Variants in GDPD5 observed in about 807,000 individuals in gnomAD.
The protein encoded by GDPD5 is glycerophosphodiester phosphodiesterase 2.
In GDPD5, 48 loss-of-function variants were observed where a neutral mutation model predicts 75.1. The observed-to-expected ratio is 0.64, with a 90% CI of 0.51 to 0.81. The LOEUF is 0.81. Ranked by LOEUF, GDPD5 falls within the 40% of genes least tolerant of loss-of-function variation. The pLI is 0.00. For missense variants in GDPD5, 706 were observed against 822.6 expected (o/e 0.86, Z 1.73); for synonymous variants, 336 against 339.0 (o/e 0.99, Z 0.10).
Position 75,449,551 on chromosome 11 carries a change from G to A in GDPD5, c.534C>T (p.Ile178=), listed in dbSNP as rs761322326. ...AVAAVTMLSW[I]VAGQFARAER... ...CTGCGCGGGCGAACTGTCCTGCCACGATCCAGGAGAGCATGGTGACTGCTG... is the reference window on the plus strand; with the variant it reads ...CTGCGCGGGCGAACTGTCCTGCCACAATCCAGGAGAGCATGGTGACTGCTG... Residue 178 remains isoleucine, a synonymous_variant, in exon 8 of 17, where the codon ATC becomes ATT. Coordinates refer to ENST00000336898, the MANE Select transcript of GDPD5 (RefSeq NM_030792.8). The A allele has an allele frequency of 2.5e-6, 4 of 1,587,996 alleles. No individual in the cohort carries two copies. The highest frequency in any genetic ancestry group is 2.3e-5 in the East Asian group (1 of 43,966).
chr11:75,506,917 C>G (rs758320818), intron 1 of GDPD5: 3 of 152,414 alleles, frequency 2.0e-5, no homozygotes, highest in Non-Finnish European at 2.9e-5. Flanking sequence ...GCCCCTGCCC[C>G]CCTCCCCTTC....
At chr11:75,504,903 G>A (rs1390386898) in intron 1 of GDPD5, among the ~76,000 whole-genome samples, 4 of 152,234 alleles carry the variant, frequency 2.6e-5, no homozygotes, top group Non-Finnish European at 5.9e-5. Context: ...CGAGGCAGGC[G>A]GATCATGAGG....
At chr11:75,513,227 A>G (rs914638324) in intron 1 of GDPD5, among the ~76,000 whole-genome samples, 2 of 152,336 alleles carry the variant, frequency 1.3e-5, no homozygotes, top group East Asian at 1.9e-4. Flanking sequence ...CTTCCCTTCT[A>G]TAAAGTGGGT....
At chr11:75,473,719 C>T (rs372456424) in intron 3 of GDPD5, among the ~76,000 whole-genome samples, 72 of 152,284 alleles carry the variant, frequency 4.7e-4, no homozygotes, top group African/African-American at 1.6e-3. Context: ...GCACCTGAGC[C>T]GGTGGACTGA....
intron 1 of GDPD5, among the ~76,000 whole-genome samples, chr11:75,497,375 T>TGGCACAGTGCTGGACCCACCAC (rs1453852102): frequency 1.3e-5 from 2 of 152,170 alleles, no homozygotes; most frequent in Non-Finnish European, 2.9e-5. Context: ...ACCCCCAGCC[T>TGGCACAGTGCTGGACCCACCAC]GGCACAGTGC....
At chr11:75,456,216 T>G (rs900654505) in intron 6 of GDPD5, among the ~76,000 whole-genome samples, 2 of 152,058 alleles carry the variant, frequency 1.3e-5, no homozygotes, top group Non-Finnish European at 2.9e-5. Context: ...CCATGATGGG[T>G]TGGGAGATCA....
chr11:75,464,067 AGAGACT>A (rs1220376725), intron 3 of GDPD5, among the ~76,000 whole-genome samples: 1 of 152,242 alleles, frequency 6.6e-6, no homozygotes, highest in Admixed American at 6.5e-5. Flanking sequence ...CTGCAAGGAC[AGAGACT>A]GAGCCGACTT....
intron 6 of GDPD5, 92 bp downstream of exon 6, chr11:75,456,665 A>C: frequency 1.6e-6 from 2 of 1,228,388 alleles, no homozygotes; most frequent in Admixed American, 3.4e-5. Flanking sequence ...ACGGTGATCC[A>C]GGGGAGGGAC....
intron 2 of GDPD5, among the ~76,000 whole-genome samples, chr11:75,478,334 T>G (rs532154851): frequency 6.6e-6 from 1 of 152,140 alleles, no homozygotes; most frequent in Non-Finnish European, 1.5e-5. Flanking sequence ...TTTGTAGAGC[T>G]GGGGTTTTGC....
chr11:75,442,530 C>A lies in GDPD5; in HGVS notation c.1000G>T (p.Ala334Ser), dbSNP rs1424773566. The A allele has an allele frequency of 9.9e-6, 16 of 1,614,026 alleles. No homozygotes were observed. Among genetic ancestry groups the A allele is most frequent in the African/African-American group, 1.3e-5 (1 of 74,922 alleles). The change falls in exon 12 of 17, where the codon GCC becomes TCC. Residue 334 changes from alanine to serine, a missense_variant. Ala to Ser is a moderately conservative substitution (Grantham distance 99). Coordinates refer to ENST00000336898, the MANE Select transcript of GDPD5 (RefSeq NM_030792.8). Reference sequence around the variant, plus strand: ...AGGCTGCAGATGGACTGGTTCTGGGCCTCTCTGTGGTCGGAGGGTGACAGG... The same window carrying A: ...AGGCTGCAGATGGACTGGTTCTGGGACTCTCTGTGGTCGGAGGGTGACAGG... ...SSLSPSDHRE[A>S]QNQSICSLAE... is the part of the protein sequence containing the mutation.
At chr11:75,476,014 A>G (rs1237999410) in intron 3 of GDPD5, among the ~76,000 whole-genome samples, 2 of 151,994 alleles carry the variant, frequency 1.3e-5, no homozygotes, top group East Asian at 3.9e-4. Flanking sequence ...AGGAGATGAG[A>G]CTTCTGGGAG....
At chr11:75,509,013 G>A (rs1351367331) in intron 1 of GDPD5, 1 of 152,298 alleles carries the variant, frequency 6.6e-6, no homozygotes, top group Non-Finnish European at 1.5e-5. Flanking sequence ...CATCCCGACT[G>A]ACAGCTCCTG....
chr11:75,440,742 T>A (rs1042107727), intron 14 of GDPD5, among the ~76,000 whole-genome samples: 53 of 152,152 alleles, frequency 3.5e-4, no homozygotes, highest in Admixed American at 3.9e-4. Context: ...TATTATTATT[T>A]TTTTTTGTAG....
chr11:75,498,518 G>A (rs557978052), intron 1 of GDPD5, among the ~76,000 whole-genome samples: 67 of 102,970 alleles, frequency 6.5e-4, no homozygotes, highest in Non-Finnish European at 1.1e-3. Flanking sequence ...CGTCACTGAT[G>A]CCCTCCGGGC....
At chr11:75,467,412 G>A (rs754414488) in intron 3 of GDPD5, among the ~76,000 whole-genome samples, 1 of 152,176 alleles carries the variant, frequency 6.6e-6, no homozygotes. Context: ...GCATCACGCC[G>A]GGCACAAGGT....
At chr11:75,490,871 C>G (rs1011665074) in intron 1 of GDPD5, 5 of 152,520 alleles carry the variant, frequency 3.3e-5, no homozygotes, top group Admixed American at 1.3e-4. Context: ...GGCAACCCCC[C>G]ACCCAGGAAT....
intron 3 of GDPD5, among the ~76,000 whole-genome samples, chr11:75,469,471 C>A (rs1233249034): frequency 6.6e-6 from 1 of 152,180 alleles, no homozygotes; most frequent in African/African-American, 2.4e-5. Flanking sequence ...CAATTCACAA[C>A]CAGGTCTGTG....
rs767698339 is a variant in GDPD5, at chr11:75,441,273, T to C, written c.1363A>G (p.Thr455Ala). 6.2e-7 allele frequency: 1 copy of C among 1,614,000 alleles called. No individual in the cohort carries two copies. Among genetic ancestry groups the C allele is most frequent in the Non-Finnish European group, 8.5e-7 (1 of 1,179,986 alleles). ...ASWNLSVNLY[T>A]VNAPWLFSLL... ...GAGAAGAGCCACGGTGCGTTGACTGTGTAGAGGTTCACACTCAGGTTCCAG... is the reference window on the plus strand; with the variant it reads ...GAGAAGAGCCACGGTGCGTTGACTGCGTAGAGGTTCACACTCAGGTTCCAG... Residue 455 changes from threonine (T) to alanine (A), a missense_variant, in exon 14 of 17, where the codon ACA (threonine) becomes GCA (alanine). Transcript: ENST00000336898.
At chr11:75,476,797 G>A (rs1474204311) in intron 3 of GDPD5, among the ~76,000 whole-genome samples, 2 of 152,174 alleles carry the variant, frequency 1.3e-5, no homozygotes, top group Non-Finnish European at 2.9e-5. Flanking sequence ...GGGCAGACAG[G>A]TGGATAAGCT....
Sources: allele counts gnomAD v4.1 joint callset (sites outside exome capture counted in the v4.1 genomes callset), GRCh38; gene constraint gnomAD v4.1.1; transcripts MANE v1.5; gene names NCBI Gene and HGNC (gene_info 2026-07-23, HGNC 2026-07-21).